The following NPFFR2 variants were observed in gnomAD, a reference collection of about 807,000 sequenced individuals.
NPFFR2 encodes the protein neuropeptide FF receptor 2, also known as G-protein coupled receptor 74.
A neutral mutation model predicts 13.1 loss-of-function variants in NPFFR2; 15 were observed. That is an observed-to-expected ratio of 1.15 (90% CI 0.77 to 1.76). The LOEUF (loss-of-function observed/expected upper bound fraction) is 1.76. Ranked by LOEUF, NPFFR2 falls within the 40% of genes most tolerant of loss-of-function variation. The pLI is 0.00. For missense variants in NPFFR2, 572 were observed against 503.5 expected (o/e 1.14, Z -1.30); for synonymous variants, 190 against 175.7 (o/e 1.08, Z -0.65).
chr4:72,129,265 G>A (rs889816969), intron 2 of NPFFR2, among the ~76,000 whole-genome samples: 2 of 151,550 alleles, frequency 1.3e-5, no homozygotes, highest in Non-Finnish European at 2.9e-5. Context: ...GGTGTTTCTC[G>A]TAAGGTGGGA....
intron 2 of NPFFR2, among the ~76,000 whole-genome samples, chr4:72,132,747 C>G (rs1722289269): frequency 6.6e-6 from 1 of 151,826 alleles, no homozygotes; most frequent in African/African-American, 2.4e-5. Context: ...CTCTAATATT[C>G]AGTGATGTTG....
At chr4:72,141,573 A>G (rs537820467) in intron 3 of NPFFR2, among the ~76,000 whole-genome samples, 1 of 152,138 alleles carries the variant, frequency 6.6e-6, no homozygotes, top group East Asian at 1.9e-4. Flanking sequence ...TGCTGTTTTG[A>G]GTGGGTTTCT....
At chr4:72,060,266 C>T (rs1719882612) in intron 1 of NPFFR2, among the ~76,000 whole-genome samples, 1 of 152,046 alleles carries the variant, frequency 6.6e-6, no homozygotes, top group South Asian at 2.1e-4. Context: ...CAACCTACCT[C>T]CCATTAGAAT....
chr4:72,132,006 T>A (rs28814354), intron 2 of NPFFR2, among the ~76,000 whole-genome samples: 6,087 of 152,190 alleles, frequency 0.04, 321 homozygotes, highest in African/African-American at 0.12. Context: ...AGTTTTTTTT[T>A]AATTTAACTT....
chr4:72,094,639 ATGCAGCC>A (rs1339827571), intron 1 of NPFFR2, among the ~76,000 whole-genome samples: 5 of 152,146 alleles, frequency 3.3e-5, no homozygotes, highest in African/African-American at 1.2e-4. Context: ...CCCAGCTCCT[ATGCAGCC>A]TGCAGCCTGA....
At chr4:72,102,039 G>A (rs1030292344) in intron 1 of NPFFR2, among the ~76,000 whole-genome samples, 4 of 152,066 alleles carry the variant, frequency 2.6e-5, no homozygotes, top group Non-Finnish European at 5.9e-5. Flanking sequence ...ATTAATTGAA[G>A]ATGTGATTTT....
chr4:72,139,440 G>A (rs986031176), intron 3 of NPFFR2, among the ~76,000 whole-genome samples: 2 of 152,082 alleles, frequency 1.3e-5, no homozygotes, highest in African/African-American at 4.8e-5. Flanking sequence ...TTTGTGTGAG[G>A]TATAAGGAAA....
rs140602216 is a variant in NPFFR2, at chr4:72,095,028, A to G, written c.-7-33557A>G. Among the ~76,000 whole-genome samples, 715 of 152,348 alleles carry G rather than the reference A, an allele frequency of 4.7e-3. 3 individuals carry two copies. The highest frequency in any genetic ancestry group is 8.3e-3 in the Non-Finnish European group (565 of 68,032). On this transcript the variant is annotated intron_variant, in intron 1 of 3. Coordinates refer to ENST00000308744, the MANE Select transcript of NPFFR2 (RefSeq NM_004885.3). ...ATATTTTGTACAAAAATGACTAAAA[A>G]TTATAACTAATAAAGGTTATTTTCC... is the stretch of plus-strand genomic sequence containing the variant.
intron 1 of NPFFR2, among the ~76,000 whole-genome samples, chr4:72,127,488 C>T (rs1287208124): frequency 9.1e-5 from 13 of 143,194 alleles, no homozygotes; most frequent in East Asian, 8.8e-4. Context: ...CTCAGCCTCC[C>T]GAGTAGCTGG....
chr4:72,143,905 C>T (rs898060310), intron 3 of NPFFR2, among the ~76,000 whole-genome samples: 1 of 152,174 alleles, frequency 6.6e-6, no homozygotes, highest in Admixed American at 6.5e-5. Context: ...TTGAATAATT[C>T]TGCAACAAAT....
chr4:72,082,297 G>A (rs1054818024), intron 1 of NPFFR2, among the ~76,000 whole-genome samples: 4 of 152,290 alleles, frequency 2.6e-5, no homozygotes, highest in Admixed American at 2.6e-4. Flanking sequence ...TCAGCAAAAA[G>A]ACTGGAATTG....
chr4:72,066,543 T>C (rs74393804), intron 1 of NPFFR2, among the ~76,000 whole-genome samples: 8,049 of 152,238 alleles, frequency 0.053, 782 homozygotes, highest in East Asian at 0.47. Flanking sequence ...ATATCATCTG[T>C]AGGCAAGTGT....
chr4:72,121,019 T>C (rs1721858452), intron 1 of NPFFR2, among the ~76,000 whole-genome samples: 1 of 151,942 alleles, frequency 6.6e-6, no homozygotes, highest in East Asian at 1.9e-4. Flanking sequence ...GTTAGAGGAA[T>C]TGCTAACTAG....
At chr4:72,068,905 A>C (rs1160201630) in intron 1 of NPFFR2, 5 of 907,104 alleles carry the variant, frequency 5.5e-6, no homozygotes, top group Non-Finnish European at 7.9e-6. Context: ...TGATTTCTTT[A>C]TTTCCAGGTC....
intron 1 of NPFFR2, among the ~76,000 whole-genome samples, chr4:72,084,326 TGG>T (rs1444072512): frequency 6.6e-6 from 1 of 152,152 alleles, no homozygotes; most frequent in Non-Finnish European, 1.5e-5. Context: ...ATGTTGTAGC[TGG>T]GAAACTGCAA....
chr4:72,142,537 C>G (rs72857487), intron 3 of NPFFR2, among the ~76,000 whole-genome samples: 32,931 of 152,088 alleles, frequency 0.22, 8,058 homozygotes, highest in African/African-American at 0.56. Flanking sequence ...CTGCAGACCA[C>G]AGCTGTTCCT....
chr4:72,105,940 A>G (rs1421361313), intron 1 of NPFFR2, among the ~76,000 whole-genome samples: 3 of 152,036 alleles, frequency 2.0e-5, no homozygotes, highest in Non-Finnish European at 2.9e-5. Flanking sequence ...TAAAGCCCCA[A>G]GACTATTATT....
chr4:72,127,138 T>TA (rs1386439415), intron 1 of NPFFR2, among the ~76,000 whole-genome samples: 1 of 150,436 alleles, frequency 6.6e-6, no homozygotes, highest in African/African-American at 2.4e-5. Context: ...CCGTCTCTAC[T>TA]AAAAATACAA....
intron 1 of NPFFR2, among the ~76,000 whole-genome samples, chr4:72,085,005 A>G (rs1720727192): frequency 1.3e-5 from 2 of 152,128 alleles, no homozygotes; most frequent in African/African-American, 4.8e-5. Context: ...AAAATTACAG[A>G]CAATCATGCT....
Sources: gnomAD v4.1 joint callset for allele counts (sites outside exome capture counted in the v4.1 genomes callset) on GRCh38, gnomAD v4.1.1 for gene constraint, MANE v1.5 for transcripts, NCBI Gene and HGNC (gene_info 2026-07-23, HGNC 2026-07-21) for gene names.